The following SLC25A21 variants were observed in gnomAD, a reference collection of about 807,000 sequenced individuals.
SLC25A21 encodes the protein mitochondrial 2-oxodicarboxylate carrier.
A neutral mutation model predicts 43.8 loss-of-function variants in SLC25A21; 47 were observed. The observed-to-expected ratio is 1.07, with a 90% CI of 0.85 to 1.37. The LOEUF (loss-of-function observed/expected upper bound fraction) is 1.37. Among genes scored for constraint, SLC25A21 ranks in the 40% most tolerant of loss-of-function variants. The pLI, the probability that SLC25A21 is intolerant of heterozygous loss-of-function variation, is 0.00. For synonymous variants in SLC25A21, 131 were observed against 121.3 expected (o/e 1.08, Z -0.52); for missense variants, 352 against 350.2 (o/e 1.00, Z -0.04).
chr14:37,117,294 A>G (rs1963123209), intron 1 of SLC25A21, among the ~76,000 whole-genome samples: 2 of 152,164 alleles, frequency 1.3e-5, no homozygotes. Context: ...TCTTAGCAGT[A>G]GCTTATTGCC....
chr14:37,145,023 C>A (rs1963638880), intron 1 of SLC25A21, among the ~76,000 whole-genome samples: 1 of 151,946 alleles, frequency 6.6e-6, no homozygotes, highest in African/African-American at 2.4e-5. Flanking sequence ...TTAATAATAA[C>A]TAACACAGAG....
chr14:37,012,918 T>C (rs566317742), intron 1 of SLC25A21, among the ~76,000 whole-genome samples: 2 of 152,308 alleles, frequency 1.3e-5, no homozygotes, highest in African/African-American at 4.8e-5. Context: ...CCAGTGTGTT[T>C]TGGGGACACA....
intron 1 of SLC25A21, among the ~76,000 whole-genome samples, chr14:37,098,754 C>T (rs61989527): frequency 0.26 from 4,112 of 15,802 alleles, 198 homozygotes; most frequent in Admixed American, 0.36. Flanking sequence ...GATAGACAGA[C>T]AGACAGACAG....
chr14:36,780,523 G>A (rs1887017220), intron 3 of SLC25A21, among the ~76,000 whole-genome samples: 1 of 151,918 alleles, frequency 6.6e-6, no homozygotes, highest in African/African-American at 2.4e-5. Context: ...GTTTTGGTGT[G>A]ATGTGTTTTT....
At chr14:37,142,186 A>G (rs1171472926) in intron 1 of SLC25A21, among the ~76,000 whole-genome samples, 1 of 152,170 alleles carries the variant, frequency 6.6e-6, no homozygotes, top group Non-Finnish European at 1.5e-5. Context: ...CTTATGGAGA[A>G]AGATTCTGTT....
At chr14:36,940,884 G>T (rs1892539572) in intron 1 of SLC25A21, among the ~76,000 whole-genome samples, 1 of 152,138 alleles carries the variant, frequency 6.6e-6, no homozygotes, top group African/African-American at 2.4e-5. Flanking sequence ...TGAAGGAATT[G>T]CAGATATAGA....
chr14:37,044,975 C>T (rs1961556453), intron 1 of SLC25A21, among the ~76,000 whole-genome samples: 1 of 152,128 alleles, frequency 6.6e-6, no homozygotes, highest in Non-Finnish European at 1.5e-5. Flanking sequence ...GATCAATATA[C>T]ATATAAATGT....
chr14:37,161,453 T>C (rs1374643196), intron 1 of SLC25A21, among the ~76,000 whole-genome samples: 3 of 152,006 alleles, frequency 2.0e-5, no homozygotes, highest in Non-Finnish European at 2.9e-5. Context: ...AGAAACACAA[T>C]ATGAGAAAAA....
chr14:36,939,305 G>C (rs1400191018), intron 1 of SLC25A21, among the ~76,000 whole-genome samples: 1 of 152,044 alleles, frequency 6.6e-6, no homozygotes, highest in Non-Finnish European at 1.5e-5. Context: ...CTGGAGCCAG[G>C]GGTGGGGGGG....
intron 2 of SLC25A21, among the ~76,000 whole-genome samples, chr14:36,855,836 T>C (rs1026642740): frequency 6.6e-6 from 1 of 152,178 alleles, no homozygotes; most frequent in Non-Finnish European, 1.5e-5. Flanking sequence ...AACAGTTCCT[T>C]CCCTTAACCC....
chr14:36,848,950 G>A (rs966922175), intron 2 of SLC25A21, among the ~76,000 whole-genome samples: 5 of 152,114 alleles, frequency 3.3e-5, no homozygotes, highest in Admixed American at 1.3e-4. Flanking sequence ...TCCATCTCTC[G>A]CCCTATTAGT....
intron 1 of SLC25A21, among the ~76,000 whole-genome samples, chr14:37,057,088 C>G (rs1054390749): frequency 1.3e-5 from 2 of 152,098 alleles, no homozygotes; most frequent in African/African-American, 4.8e-5. Context: ...AAATTTTAAC[C>G]TTTATATCTA....
intron 1 of SLC25A21, among the ~76,000 whole-genome samples, chr14:36,891,638 C>CT (rs1006483517): frequency 6.6e-6 from 1 of 151,928 alleles, no homozygotes; most frequent in East Asian, 1.9e-4. Context: ...TCTATTCCCT[C>CT]TTTTTTTTCA....
chr14:37,110,399 C>T (rs1173265572), intron 1 of SLC25A21, among the ~76,000 whole-genome samples: 4 of 152,168 alleles, frequency 2.6e-5, no homozygotes, highest in Non-Finnish European at 4.4e-5. Flanking sequence ...TCATTCCATT[C>T]TAGAGTACTA....
At chr14:37,047,960 T>C (rs1338993553) in intron 1 of SLC25A21, among the ~76,000 whole-genome samples, 2 of 152,242 alleles carry the variant, frequency 1.3e-5, no homozygotes, top group African/African-American at 4.8e-5. Flanking sequence ...TAAATGTTTT[T>C]ATTATATTTT....
chr14:36,998,090 T>C (rs909938755), intron 1 of SLC25A21, among the ~76,000 whole-genome samples: 2 of 152,284 alleles, frequency 1.3e-5, no homozygotes, highest in African/African-American at 4.8e-5. Context: ...GTGCAATCCC[T>C]GGAACACTAG....
intron 6 of SLC25A21, chr14:36,725,279 G>C (rs1240282353): frequency 6.3e-6 from 1 of 158,664 alleles, no homozygotes; most frequent in Non-Finnish European, 1.4e-5. Context: ...TTCGAGACCA[G>C]CCTGACCAAC....
At position 36,813,976 on chromosome 14, in the gene SLC25A21, C is replaced by A. The variant is rs118130312; in HGVS notation, c.145G>T (p.Asp49Tyr). 10 of 1,607,916 alleles carry A rather than the reference C, an allele frequency of 6.2e-6. No individual in the cohort carries two copies. In the South Asian group the frequency reaches 6.7e-5, roughly 11 times the overall value. ...TRFQIQRCAT[D>Y]PNSYKSLVDS... ...ACCAAGCTTTTATAACTGTTTGGAT[C>A]GGTTGCACATCTCTGAATCTGAAAC... Residue 49 changes from aspartate (D) to tyrosine (Y), a missense_variant, in exon 3 of 10, where the codon GAT becomes TAT. Physicochemically the swap from Asp to Tyr is radical, Grantham distance 160 (BLOSUM62 -3). Coordinates refer to ENST00000331299, the MANE Select transcript of SLC25A21 (RefSeq NM_030631.4).
At chr14:36,895,443 T>C (rs891638585) in intron 1 of SLC25A21, among the ~76,000 whole-genome samples, 1 of 152,226 alleles carries the variant, frequency 6.6e-6, no homozygotes, top group African/African-American at 2.4e-5. Flanking sequence ...TCTTCTTTAT[T>C]AGTCTTGCTA....
Sources: gnomAD v4.1 joint callset for allele counts (sites outside exome capture counted in the v4.1 genomes callset) on GRCh38, gnomAD v4.1.1 for gene constraint, MANE v1.5 for transcripts, NCBI Gene and HGNC (gene_info 2026-07-23, HGNC 2026-07-21) for gene names.